Variants in C12orf56 observed in about 807,000 individuals in gnomAD.
C12orf56 encodes uncharacterized protein C12orf56.
Under a neutral mutation model 69.9 loss-of-function variants are expected in C12orf56, and 71 were observed. The observed-to-expected ratio is 1.02, with a 90% CI of 0.84 to 1.24. The LOEUF (loss-of-function observed/expected upper bound fraction) is 1.24. Among genes scored for constraint, C12orf56 ranks in the 50% most tolerant of loss-of-function variants. The probability of loss-of-function intolerance (pLI) is 0.00; values close to 1 mark genes in which losing one functional copy is unlikely to be tolerated. For missense variants in C12orf56, 732 were observed against 738.5 expected (o/e 0.99, Z 0.10); for synonymous variants, 276 against 274.1 (o/e 1.01, Z -0.07).
intron 1 of C12orf56, among the ~76,000 whole-genome samples, chr12:64,373,474 T>G (rs775617633): frequency 1.3e-5 from 2 of 151,962 alleles, no homozygotes; most frequent in Non-Finnish European, 2.9e-5. Flanking sequence ...AAACAAAACC[T>G]GATATCCATG....
At chr12:64,379,660 A>G (rs1309101020) in intron 1 of C12orf56, among the ~76,000 whole-genome samples, 1 of 152,038 alleles carries the variant, frequency 6.6e-6, no homozygotes, top group Admixed American at 6.6e-5. Context: ...TGAGTTTACC[A>G]CTTCCTGCTG....
chr12:64,356,069 C>G (rs1015910615), intron 1 of C12orf56, among the ~76,000 whole-genome samples: 29 of 147,500 alleles, frequency 2.0e-4, no homozygotes, highest in Admixed American at 7.6e-4. Context: ...GAGGCTGAGG[C>G]AGGAGAACTG....
At chr12:64,324,400 T>A (rs752091114) in intron 3 of C12orf56, among the ~76,000 whole-genome samples, 3 of 152,234 alleles carry the variant, frequency 2.0e-5, no homozygotes, top group Non-Finnish European at 4.4e-5. Context: ...GTGTGTTTGT[T>A]GACGGGTGGC....
intron 4 of C12orf56, among the ~76,000 whole-genome samples, chr12:64,313,274 A>AAAAAAGAAAG (rs762664621): frequency 3.3e-4 from 27 of 81,404 alleles, no homozygotes; most frequent in African/African-American, 1.1e-3. Flanking sequence ...AAAAAAAAAA[A>AAAAAAGAAAG]AAAGAAAGAA....
At chr12:64,367,267 C>CAGTTTATATATTATATATAATAT (rs2039507292) in intron 1 of C12orf56, among the ~76,000 whole-genome samples, 1 of 134,072 alleles carries the variant, frequency 7.5e-6, no homozygotes, top group East Asian at 2.1e-4. Context: ...ATATAATATA[C>CAGTTTATATATTATATATAATAT]AGTTTATATA....
chr12:64,319,103 G>C, intron 3 of C12orf56, 123 bp from the exon 4 acceptor site: 1 of 986,034 alleles, frequency 1.0e-6, no homozygotes. Context: ...GTTAAAACAA[G>C]GAAGTCATTG....
intron 1 of C12orf56, among the ~76,000 whole-genome samples, chr12:64,385,110 A>T (rs1319289902): frequency 6.6e-6 from 1 of 151,990 alleles, no homozygotes; most frequent in Admixed American, 6.6e-5. Context: ...ATTTTGATGC[A>T]CCCAAGAGCA....
chr12:64,329,711 G>A (rs1467696300), intron 3 of C12orf56, among the ~76,000 whole-genome samples: 2 of 122,740 alleles, frequency 1.6e-5, no homozygotes, highest in Admixed American at 1.0e-4. Flanking sequence ...AGAGTGTGAT[G>A]TTCCCCTTCC....
At chr12:64,301,168 C>G (rs1015122545) in intron 6 of C12orf56, among the ~76,000 whole-genome samples, 3 of 152,128 alleles carry the variant, frequency 2.0e-5, no homozygotes, top group African/African-American at 7.2e-5. Context: ...GCTGAACAGA[C>G]AGGCCTCCAT....
At chr12:64,366,268 TTATATATTATATATAATA>T (rs2039482446) in intron 1 of C12orf56, among the ~76,000 whole-genome samples, 1 of 110,428 alleles carries the variant, frequency 9.1e-6, no homozygotes, top group Non-Finnish European at 1.7e-5. Flanking sequence ...AATATACAGT[TTATATATTATATATAATA>T]TACAGTTTAT....
intron 1 of C12orf56, among the ~76,000 whole-genome samples, chr12:64,354,950 T>C (rs997759528): frequency 5.9e-5 from 9 of 151,292 alleles, no homozygotes; most frequent in African/African-American, 2.2e-4. Context: ...TGGTGGTGCA[T>C]GCCTGTAGTC....
At chr12:64,313,274 A>G (rs11175334) in intron 4 of C12orf56, among the ~76,000 whole-genome samples, 52 of 81,406 alleles carry the variant, frequency 6.4e-4, no homozygotes, top group Non-Finnish European at 1.0e-3. Context: ...AAAAAAAAAA[A>G]AAAGAAAGAA....
At chr12:64,286,787 A>G (rs2136770639) in intron 6 of C12orf56, among the ~76,000 whole-genome samples, 1 of 152,312 alleles carries the variant, frequency 6.6e-6, no homozygotes, top group Non-Finnish European at 1.5e-5. Flanking sequence ...GTGACAATTT[A>G]GGCTTTTTGT....
chr12:64,352,912 T>G lies in C12orf56; in HGVS notation c.397A>C (p.Lys133Gln). 1 of 1,611,256 alleles carries G rather than the reference T, an allele frequency of 6.2e-7. No homozygotes were observed. Among genetic ancestry groups the G allele is most frequent in the Non-Finnish European group, 8.5e-7 (1 of 1,179,384 alleles). ...RKFLFPFHHT[K>Q]ANNKKVKEEK... ...TACCTACCTTTCTTGTTGTTAGCTT[T>G]AGTATGATGAAATGGAAATAGGAAT... Residue 133 changes from lysine (K) to glutamine (Q), a missense_variant, in exon 2 of 13, where the codon AAA becomes CAA. Transcript: ENST00000543942.
At chr12:64,275,423 C>T (rs965939954) in intron 9 of C12orf56, 51 bp from the exon 10 acceptor site, 10 of 849,642 alleles carry the variant, frequency 1.2e-5, no homozygotes, top group African/African-American at 7.0e-5. Context: ...AGTCAGAAAA[C>T]GATAATTTCC....
At position 64,390,331 on chromosome 12, in the gene C12orf56, C is replaced by T. The variant is rs752406157; in HGVS notation, c.235G>A (p.Val79Ile). 1.2e-6 allele frequency: 2 copies of T among 1,610,064 alleles called. No homozygotes were observed. Among genetic ancestry groups the T allele is most frequent in the South Asian group, 1.1e-5 (1 of 90,982 alleles). Residue 79 changes from valine to isoleucine, a missense_variant, in exon 1 of 13, where the codon GTC becomes ATC. Val to Ile is a conservative substitution (Grantham distance 29). Transcript: ENST00000543942. ...CCGCTCACCAGGTCAATGGCCACGACGTCCCGCAGAGCCACTACCCGCCGG... is the reference window on the plus strand; with the variant it reads ...CCGCTCACCAGGTCAATGGCCACGATGTCCCGCAGAGCCACTACCCGCCGG... ...SIRRVVALRD[V>I]VAIDLIDDYP... is the part of the protein sequence containing the mutation.
chr12:64,307,008 T>G (rs1436361), intron 5 of C12orf56, among the ~76,000 whole-genome samples: 150,107 of 152,308 alleles, frequency 0.99, 74,008 homozygotes, highest in Middle Eastern at 1. Context: ...AACTTAGTAA[T>G]AAATATGATT....
rs2038220686 is a variant in C12orf56 at position 64,287,291 on chromosome 12, G to A, written c.1114-1231C>T. Among the ~76,000 whole-genome samples, 4 of 148,636 alleles carry A rather than the reference G, an allele frequency of 2.7e-5. No individual in the cohort carries two copies. In the South Asian group the frequency reaches 8.5e-4, roughly 32 times the overall value. ...AGAAGAAGAAGAAGAAGAAGAAGAAGAAGTGCTTGGGTTTACCCAGTGCCT... is the reference window on the plus strand; with the variant it reads ...AGAAGAAGAAGAAGAAGAAGAAGAAAAAGTGCTTGGGTTTACCCAGTGCCT... On this transcript the variant is annotated intron_variant, in intron 6 of 12. Transcript: ENST00000543942.
intron 2 of C12orf56, among the ~76,000 whole-genome samples, chr12:64,349,678 C>T (rs1022149014): frequency 1.3e-5 from 2 of 152,184 alleles, no homozygotes; most frequent in African/African-American, 4.8e-5. Flanking sequence ...AAAGCATTCA[C>T]AGTGACCTGG....
Sources: gnomAD v4.1 joint callset for allele counts (sites outside exome capture counted in the v4.1 genomes callset) on GRCh38, gnomAD v4.1.1 for gene constraint, MANE v1.5 for transcripts, NCBI Gene and HGNC (gene_info 2026-07-23, HGNC 2026-07-21) for gene names.